The following DOT1L variants were observed in gnomAD, a reference collection of about 807,000 sequenced individuals.
DOT1L encodes histone-lysine N-methyltransferase, H3 lysine-79 specific.
Under a neutral mutation model 153.3 loss-of-function variants are expected in DOT1L, and 33 were observed. That is an observed-to-expected ratio of 0.22 (90% CI 0.16 to 0.29). DOT1L has a LOEUF of 0.29. Among genes scored for constraint, DOT1L ranks in the 10% least tolerant of loss-of-function variants. DOT1L has a pLI of 1.00. For missense variants in DOT1L, 1,847 were observed against 2,119.9 expected, an observed-to-expected ratio of 0.87 and a Z score of 2.53; for synonymous variants, 1,135 against 965.1, an observed-to-expected ratio of 1.18 and a Z score of -3.26.
At chr19:2,227,214 C>G in intron 27 of DOT1L, 87 bp downstream of exon 27, 1 of 1,521,556 alleles carries the variant, frequency 6.6e-7, no homozygotes, top group Non-Finnish European at 9.0e-7. Flanking sequence ...CACTCTCTTG[C>G]AGCAGGAGCT....
In DOT1L at chr19:2,230,454, C is replaced by CT; in HGVS notation, c.*663dup. ...GTTGCGCCCTTGCATGTGAAGGGGCCTGCGCGGTGACGCAGCTGGCCATGT... is the reference window on the plus strand; with the variant it reads ...GTTGCGCCCTTGCATGTGAAGGGGCCTTGCGCGGTGACGCAGCTGGCCATGT... On this transcript the variant is annotated 3_prime_UTR_variant, in exon 28 of 28. Transcript: ENST00000398665. 1 of 399,566 alleles carries CT rather than the reference C, an allele frequency of 2.5e-6. No individual in the cohort carries two copies. Among genetic ancestry groups the CT allele is most frequent in the African/African-American group, 2.1e-5 (1 of 48,776 alleles). 24.8% of individuals were successfully genotyped at this position (399,566 alleles called of 1,614,324 possible).
intron 1 of DOT1L, among the ~76,000 whole-genome samples, chr19:2,164,744 G>C (rs1483258297): frequency 3.3e-5 from 5 of 152,174 alleles, no homozygotes; most frequent in Non-Finnish European, 7.3e-5. Context: ...CCGACCCTGC[G>C]AAGGTGGGAG....
chr19:2,196,345 A>C (rs2023019011), intron 7 of DOT1L, among the ~76,000 whole-genome samples: 1 of 152,118 alleles, frequency 6.6e-6, no homozygotes, highest in Non-Finnish European at 1.5e-5. Context: ...TTTTTTGTGC[A>C]TGTGTGAAAG....
chr19:2,226,094 C>T (rs2144928284), intron 26 of DOT1L, 89 bp from the exon 27 acceptor site: 1 of 1,396,666 alleles, frequency 7.2e-7, no homozygotes, highest in Non-Finnish European at 9.4e-7. Flanking sequence ...TGCAGAGTTG[C>T]CCGGGCCGTG....
chr19:2,213,966 C>T lies in DOT1L; in HGVS notation c.1777C>T (p.Arg593Cys), dbSNP rs200802307. 6 of 1,612,710 alleles carry T rather than the reference C, an allele frequency of 3.7e-6. No individual in the cohort carries two copies. The highest frequency in any genetic ancestry group is 2.2e-5 in the East Asian group (1 of 44,876). The change falls in exon 18 of 28, where the codon CGC becomes TGC. Residue 593 changes from arginine (R) to cysteine (C), a missense_variant. By Grantham distance (180) the Arg-to-Cys change is radical. Transcript: ENST00000398665. ...GCTGGAGCAGGACAACCGCGCGCTC[C>T]GCGGCCAGAGCTTGCAGCTGGTGGG... is the stretch of plus-strand genomic sequence containing the variant. ...EQLEQDNRAL[R>C]GQSLQLLKAR...
intron 27 of DOT1L, 87 bp from the exon 28 acceptor site, chr19:2,229,698 G>T: frequency 6.2e-7 from 1 of 1,607,794 alleles, no homozygotes; most frequent in Non-Finnish European, 8.5e-7. Context: ...CTCGTGGGAG[G>T]CCTCGGTCCC....
In DOT1L at chr19:2,210,423, C is replaced by T; in HGVS notation, c.1029C>T (p.Arg343=). ...AGGAGGAACAGGAGGCAGCCCGGCGCCGCCAGCAGCGCGAGAGCAAGAGCA... is the reference window on the plus strand; with the variant it reads ...AGGAGGAACAGGAGGCAGCCCGGCGTCGCCAGCAGCGCGAGAGCAAGAGCA... ...KLREEQEAAR[R]RQQRESKSNA... The change falls in exon 13 of 28, where the codon CGC becomes CGT. Residue 343 remains arginine (R), a synonymous_variant. Coordinates refer to ENST00000398665, the MANE Select transcript of DOT1L (RefSeq NM_032482.3). 6.4e-7 allele frequency: 1 copy of T among 1,552,458 alleles called. No homozygotes were observed. The highest frequency in any genetic ancestry group is 8.7e-7 in the Non-Finnish European group (1 of 1,152,054).
At position 2,208,797 on chromosome 19, in the gene DOT1L, C is replaced by T; in HGVS notation, c.964-138C>T. 1 of 855,958 alleles carries T rather than the reference C, an allele frequency of 1.2e-6. No individual in the cohort carries two copies. Among genetic ancestry groups the T allele is most frequent in the Non-Finnish European group, 1.9e-6 (1 of 539,824 alleles). The allele number at this position is 855,958 out of a possible 1,614,324, so 53.0% of individuals were successfully genotyped here. ...CGCGTTTGCCACTGGGGGGCTCTAG[C>T]TGCATGCCTGCTGTCCCCAGATACC... On this transcript the variant is annotated intron_variant, in intron 11 of 27. Coordinates refer to ENST00000398665, the MANE Select transcript of DOT1L (RefSeq NM_032482.3). The surrounding 1 kb of genome is among the most constrained non-coding windows in gnomAD (Gnocchi z 4.4).
At chr19:2,201,205 C>G (rs1174136757) in intron 8 of DOT1L, among the ~76,000 whole-genome samples, 171 of 144,996 alleles carry the variant, frequency 1.2e-3, no homozygotes, top group Non-Finnish European at 1.5e-3. Context: ...ATTCCTCGTC[C>G]TCCCCGCATT....
chr19:2,216,759 A>G lies in DOT1L; in HGVS notation c.2402A>G (p.His801Arg). Reference sequence around the variant, plus strand: ...GGCAGGCCGGCTGCCAGTGAGCTGCATTCGAGGTGAGTGCCCTGGTGGGGC... The same window carrying G: ...GGCAGGCCGGCTGCCAGTGAGCTGCGTTCGAGGTGAGTGCCCTGGTGGGGC... ...VPGRPAASEL[H>R]SRAEHTKENG... The change falls in exon 20 of 28, where the codon CAT becomes CGT. Residue 801 changes from histidine to arginine, a missense_variant. His to Arg is a conservative substitution (Grantham distance 29). Coordinates refer to ENST00000398665, the MANE Select transcript of DOT1L (RefSeq NM_032482.3). 1 of 1,589,430 alleles carries G rather than the reference A, an allele frequency of 6.3e-7. No individual in the cohort carries two copies. The highest frequency in any genetic ancestry group is 8.5e-7 in the Non-Finnish European group (1 of 1,172,076).
Position 2,199,936 on chromosome 19 carries a change from C to T in DOT1L, c.704C>T (p.Thr235Met), listed in dbSNP as rs759281596. Residue 235 changes from threonine to methionine, a missense_variant, in exon 8 of 28, where the codon ACG (threonine) becomes ATG (methionine). Thr to Met is a moderately conservative substitution (Grantham distance 81). Transcript: ENST00000398665. Reference sequence around the variant, plus strand: ...GAGTGGAGGGAGCGAATCGCCAACACGAGGTATGGCCAGCGTGGGGCATGC... The same window carrying T: ...GAGTGGAGGGAGCGAATCGCCAACATGAGGTATGGCCAGCGTGGGGCATGC... ...SEEWRERIAN[T>M]SVIFVNNFAF... 1.2e-5 allele frequency: 20 copies of T among 1,613,770 alleles called. No individual in the cohort carries two copies. The highest frequency in any genetic ancestry group is 3.3e-5 in the South Asian group (3 of 91,072).
At chr19:2,214,371 C>T in intron 18 of DOT1L, 100 bp from the exon 19 acceptor site, 1 of 1,530,072 alleles carries the variant, frequency 6.5e-7, no homozygotes, top group Non-Finnish European at 8.8e-7. Flanking sequence ...AGCACACATG[C>T]TGTTGGCTGA....
intron 3 of DOT1L, among the ~76,000 whole-genome samples, 181 bp from the exon 4 acceptor site, chr19:2,189,551 C>T (rs932709057): frequency 6.6e-6 from 1 of 152,350 alleles, no homozygotes; most frequent in South Asian, 2.1e-4. Context: ...TGTGTCAAAC[C>T]TGAAATCTCC....
At position 2,210,516 on chromosome 19, in the gene DOT1L, G is replaced by A; in HGVS notation, c.1116+6G>A. 1.3e-6 allele frequency: 2 copies of A among 1,593,312 alleles called. No individual in the cohort carries two copies. The highest frequency in any genetic ancestry group is 1.1e-5 in the South Asian group (1 of 89,884). On this transcript the variant is annotated splice_donor_region_variant and intron_variant, in intron 13 of 27. Coordinates refer to ENST00000398665, the MANE Select transcript of DOT1L (RefSeq NM_032482.3). ...GCCCCGCCGACGCCCCCATGGTAAGGCCCCAGCCTGGCTCCTGCTGCTGGA... is the reference window on the plus strand; with the variant it reads ...GCCCCGCCGACGCCCCCATGGTAAGACCCCAGCCTGGCTCCTGCTGCTGGA...
intron 3 of DOT1L, among the ~76,000 whole-genome samples, chr19:2,189,406 C>G (rs2022692330): frequency 6.6e-6 from 1 of 152,236 alleles, no homozygotes; most frequent in Non-Finnish European, 1.5e-5. Context: ...GCCTCAGTCC[C>G]CCTCGAGCCC....
intron 1 of DOT1L, among the ~76,000 whole-genome samples, chr19:2,174,070 A>C (rs753623716): frequency 6.6e-6 from 1 of 152,056 alleles, no homozygotes; most frequent in Admixed American, 6.5e-5. Context: ...CGATCCTTCC[A>C]CCTCAGCCTC....
At chr19:2,225,619 G>A (rs2024294716) in intron 26 of DOT1L, among the ~76,000 whole-genome samples, 167 bp downstream of exon 26, 1 of 152,022 alleles carries the variant, frequency 6.6e-6, no homozygotes, top group South Asian at 2.1e-4. Flanking sequence ...GTCCTGCGTG[G>A]GCGCCGACAC....
chr19:2,184,859 C>T (rs2022417573), intron 2 of DOT1L, among the ~76,000 whole-genome samples: 2 of 152,118 alleles, frequency 1.3e-5, no homozygotes, highest in Admixed American at 1.3e-4. Context: ...TGTGAGGTGC[C>T]GCTGCGGTTT....
chr19:2,167,915 A>G (rs1399662974), intron 1 of DOT1L, among the ~76,000 whole-genome samples: 5 of 151,672 alleles, frequency 3.3e-5, no homozygotes, highest in African/African-American at 4.8e-5. Flanking sequence ...TTGTATTTTT[A>G]GTAGAGACAG....
Sources: gnomAD v4.1 joint callset for allele counts (sites outside exome capture counted in the v4.1 genomes callset) on GRCh38, gnomAD v4.1.1 for gene constraint, Gnocchi (gnomAD v3.1) non-coding constraint, MANE v1.5 for transcripts, NCBI Gene and HGNC (gene_info 2026-07-23, HGNC 2026-07-21) for gene names.